The following CDK13 variants were observed in gnomAD, a reference collection of about 807,000 sequenced individuals.
CDK13 encodes the protein cyclin dependent kinase 13, also known as cyclin-dependent kinase 13.
In CDK13, 40 loss-of-function variants were observed where a neutral mutation model predicts 137.6. The observed-to-expected ratio is 0.29, with a 90% CI of 0.23 to 0.38. The LOEUF is 0.38. Ranked by LOEUF, CDK13 falls within the 10% of genes least tolerant of loss-of-function variation. The pLI is 1.00. For missense variants in CDK13, 1,704 were observed against 1,951.8 expected (o/e 0.87, Z 2.39); for synonymous variants, 869 against 760.1 (o/e 1.14, Z -2.36).
At chr7:40,072,581 A>C (rs1786446777) in intron 9 of CDK13, 1 of 152,212 alleles carries the variant, frequency 6.6e-6, no homozygotes, top group African/African-American at 2.4e-5. Context: ...CATTAGTGCA[A>C]ATCAACACAT....
At chr7:39,997,402 C>G (rs1476212132) in intron 2 of CDK13, 92 bp from the exon 3 acceptor site, 10 of 949,902 alleles carry the variant, frequency 1.1e-5, no homozygotes, top group South Asian at 8.6e-5. Flanking sequence ...GTTGAATATT[C>G]ATGACTATTG....
At chr7:39,961,631 CTTCT>C (rs1027419898) in intron 1 of CDK13, among the ~76,000 whole-genome samples, 1 of 112,038 alleles carries the variant, frequency 8.9e-6, no homozygotes, top group African/African-American at 4.4e-5. Context: ...ACATAATTTA[CTTCT>C]TTTTTTTTTT....
intron 1 of CDK13, among the ~76,000 whole-genome samples, chr7:39,962,122 C>A (rs1349175344): frequency 3.3e-5 from 5 of 152,208 alleles, no homozygotes; most frequent in African/African-American, 1.2e-4. Context: ...TTTATAGCAG[C>A]ATGATTTATA....
At position 40,097,837 on chromosome 7, in the gene CDK13, GAAAT is replaced by G. The variant is rs1174639330; in HGVS notation, c.*2860_*2863del. 1.3e-5 allele frequency: 2 copies of G among 152,090 alleles called. No homozygotes were observed. Among genetic ancestry groups the G allele is most frequent in the African/African-American group, 2.4e-5 (1 of 41,452 alleles). The allele number at this position is 152,090 out of a possible 1,614,324, so 9.4% of individuals were successfully genotyped here. A position where few individuals can be genotyped will look rare whatever the true frequency, so the allele number is the denominator to read the frequency against. On this transcript the variant is annotated 3_prime_UTR_variant, in exon 14 of 14. Transcript: ENST00000181839. ...TAAGGAGTTGTCATTTGTGGAATGT[GAAAT>G]AAGGTAATAATTCTAGCTGTGATTC... is the stretch of plus-strand genomic sequence containing the variant.
chr7:40,081,372 TA>T (rs758010393), intron 11 of CDK13, among the ~76,000 whole-genome samples: 56 of 152,272 alleles, frequency 3.7e-4, no homozygotes, highest in Non-Finnish European at 7.5e-4. Flanking sequence ...GTAGAGCAAT[TA>T]TATCACTCTT....
At chr7:39,959,450 C>T (rs1346534657) in intron 1 of CDK13, among the ~76,000 whole-genome samples, 2 of 151,542 alleles carry the variant, frequency 1.3e-5, no homozygotes, top group Non-Finnish European at 2.9e-5. Context: ...CGTGAGCCAC[C>T]GTGCCTGGCC....
chr7:40,031,697 GT>G (rs1562739199), intron 5 of CDK13, among the ~76,000 whole-genome samples: 2 of 151,836 alleles, frequency 1.3e-5, no homozygotes, highest in Non-Finnish European at 2.9e-5. Context: ...CCACGCTGGA[GT>G]GTGGTGGCAC....
rs1423415874 is a variant in CDK13 at position 40,097,330 on chromosome 7, A to G, written c.*2350A>G. 6.6e-6 allele frequency: 1 copy of G among 152,118 alleles called. No homozygotes were observed. Among genetic ancestry groups the G allele is most frequent in the Non-Finnish European group, 1.5e-5 (1 of 67,984 alleles). 9.4% of individuals were successfully genotyped at this position (152,118 alleles called of 1,614,324 possible). On this transcript the variant is annotated 3_prime_UTR_variant, in exon 14 of 14. Coordinates refer to ENST00000181839, the MANE Select transcript of CDK13 (RefSeq NM_003718.5). ...TTAGAAGAAAAAATGTTGCCAATTA[A>G]GCCACAATACAATGCTAAGACGTCA...
intron 2 of CDK13, among the ~76,000 whole-genome samples, chr7:39,988,953 A>G (rs1784399399): frequency 6.6e-6 from 1 of 151,738 alleles, no homozygotes; most frequent in African/African-American, 2.4e-5. Flanking sequence ...GCGCAGTGGC[A>G]GGTGCCTGTA....
intron 5 of CDK13, among the ~76,000 whole-genome samples, chr7:40,036,833 G>C (rs141037527): frequency 1.3e-5 from 2 of 152,086 alleles, no homozygotes; most frequent in African/African-American, 4.8e-5. Context: ...AAAGAAAAGA[G>C]ACCTTATAGT....
intron 13 of CDK13, among the ~76,000 whole-genome samples, chr7:40,093,605 C>T (rs954684386): frequency 2.0e-5 from 3 of 152,158 alleles, no homozygotes; most frequent in Non-Finnish European, 4.4e-5. Flanking sequence ...CCGTAATTAG[C>T]TTTAAAAAGC....
chr7:40,001,266 A>G (rs746689512), intron 4 of CDK13, among the ~76,000 whole-genome samples: 5 of 144,164 alleles, frequency 3.5e-5, no homozygotes, highest in Non-Finnish European at 7.5e-5. Context: ...CCAGGGCTGG[A>G]GTGCAGAGTG....
chr7:40,028,459 C>CT (rs1247456216), intron 5 of CDK13, among the ~76,000 whole-genome samples: 1 of 152,054 alleles, frequency 6.6e-6, no homozygotes, highest in Non-Finnish European at 1.5e-5. Context: ...ACCTCATGAT[C>CT]TGCCCGCCTT....
rs71560157 is a variant in CDK13 at position 40,003,153 on chromosome 7, TACACACACACACACACACACAC to T, written c.2353+1155_2353+1176del. ...TACTTAGACTCCTGTCTTCCCCAGC[TACACACACACACACACACACAC>T]ACACACACACACACACACACACACA... On this transcript the variant is annotated intron_variant, in intron 5 of 13. Transcript: ENST00000181839. Among the ~76,000 whole-genome samples the T allele has an allele frequency of 4.2e-5, 5 of 119,956 alleles. No homozygotes were observed. The South Asian group carries it at 9.1e-4, about 22-fold the overall frequency. The allele number at this position is 119,956 out of a possible 152,430, so 78.7% of individuals were successfully genotyped here.
intron 1 of CDK13, among the ~76,000 whole-genome samples, chr7:39,976,321 T>TCACACACACACA (rs1248415358): frequency 7.8e-4 from 28 of 35,952 alleles, no homozygotes; most frequent in Middle Eastern, 0.016. Flanking sequence ...TCTCTCTCTC[T>TCACACACACACA]CTCACACACA....
chr7:39,955,158 G>A (rs1355699810), intron 1 of CDK13, among the ~76,000 whole-genome samples: 1 of 152,114 alleles, frequency 6.6e-6, no homozygotes, highest in Non-Finnish European at 1.5e-5. Context: ...TATAATAAAT[G>A]TGAGGGTGTG....
chr7:40,028,657 T>G (rs1183015736), intron 5 of CDK13, among the ~76,000 whole-genome samples: 1 of 152,186 alleles, frequency 6.6e-6, no homozygotes, highest in Non-Finnish European at 1.5e-5. Context: ...CTTATTTGCT[T>G]TGCCTGTGAG....
chr7:40,067,142 GA>G (rs1786297959), intron 9 of CDK13: 2 of 152,294 alleles, frequency 1.3e-5, no homozygotes, highest in South Asian at 4.1e-4. Context: ...TAAGAAAACT[GA>G]ACCTTAGAGA....
chr7:39,995,947 T>C (rs777036805), intron 2 of CDK13, among the ~76,000 whole-genome samples: 32 of 151,908 alleles, frequency 2.1e-4, no homozygotes, highest in Non-Finnish European at 3.5e-4. Context: ...GAGATGGAGG[T>C]TGCACTCCGT....
Sources: allele counts gnomAD v4.1 joint callset (sites outside exome capture counted in the v4.1 genomes callset), GRCh38; gene constraint gnomAD v4.1.1; transcripts MANE v1.5; gene names NCBI Gene and HGNC (gene_info 2026-07-23, HGNC 2026-07-21).